Variants in DHRSX observed in about 807,000 individuals in gnomAD.
The protein encoded by DHRSX is dehydrogenase/reductase X-linked.
A neutral mutation model predicts 34.0 loss-of-function variants in DHRSX; 31 were observed. The ratio of observed to expected loss-of-function variants is 0.91; its 90% CI spans 0.69 to 1.23. The LOEUF (loss-of-function observed/expected upper bound fraction) is 1.23, where lower values mean the gene tolerates loss of function less well. Among genes scored for constraint, DHRSX ranks in the 50% most tolerant of loss-of-function variants. The probability of loss-of-function intolerance (pLI) is 0.00; values close to 1 mark genes in which losing one functional copy is unlikely to be tolerated. For synonymous variants in DHRSX, 201 were observed against 183.8 expected, an observed-to-expected ratio of 1.09 and a Z score of -0.76; for missense variants, 414 against 428.1, an observed-to-expected ratio of 0.97 and a Z score of 0.29.
At chrX:2,309,169 T>G (rs1208202865) in intron 3 of DHRSX, among the ~76,000 whole-genome samples, 1 of 151,968 alleles carries the variant, frequency 6.6e-6, no homozygotes, top group Non-Finnish European at 1.5e-5. Context: ...TAGAGAAGAA[T>G]AATGAAAGAA....
At chrX:2,428,441 T>C (rs764489953) in intron 1 of DHRSX, among the ~76,000 whole-genome samples, 2 of 152,188 alleles carry the variant, frequency 1.3e-5, no homozygotes, top group Non-Finnish European at 2.9e-5. Context: ...TATGCAGCCA[T>C]AAAAAAGGAT....
rs1368745993 is a variant in DHRSX, at chrX:2,243,345, CT to C, written c.597-116del. The C allele has an allele frequency of 7.3e-6, 6 of 825,160 alleles. No individual in the cohort carries two copies. The African/African-American group carries it at 8.5e-5, about 12-fold the overall frequency. The allele number at this position is 825,160 out of a possible 1,614,324, so 51.1% of individuals were successfully genotyped here. On this transcript the variant is annotated intron_variant, in intron 5 of 6. Transcript: ENST00000334651. ...CCACGTCTATACGCAGCCACCTCCC[CT>C]AGACCCATGTGTGATCATGCCATCT...
intron 1 of DHRSX, among the ~76,000 whole-genome samples, chrX:2,497,155 G>T (rs1440915455): frequency 6.6e-6 from 1 of 152,110 alleles, no homozygotes; most frequent in East Asian, 1.9e-4. Flanking sequence ...CAGCAATTTG[G>T]GATGCCAAGG....
intron 1 of DHRSX, among the ~76,000 whole-genome samples, chrX:2,437,479 A>G (rs2044006064): frequency 6.6e-6 from 1 of 151,896 alleles, no homozygotes; most frequent in African/African-American, 2.4e-5. Flanking sequence ...TGGTGTGCCC[A>G]TGTGGTCCCA....
At chrX:2,254,536 C>T (rs1028913778) in intron 5 of DHRSX, among the ~76,000 whole-genome samples, 4 of 152,164 alleles carry the variant, frequency 2.6e-5, no homozygotes, top group African/African-American at 9.7e-5. Context: ...TACATTCTTT[C>T]TAGGATATCT....
At chrX:2,417,362 C>CCA (rs2043707977) in intron 2 of DHRSX, among the ~76,000 whole-genome samples, 1 of 152,194 alleles carries the variant, frequency 6.6e-6, no homozygotes, top group Non-Finnish European at 1.5e-5. Flanking sequence ...CCTAACCAAA[C>CCA]CACACATCAT....
At chrX:2,295,964 G>A (rs1373710799) in intron 3 of DHRSX, among the ~76,000 whole-genome samples, 1 of 152,126 alleles carries the variant, frequency 6.6e-6, no homozygotes, top group East Asian at 1.9e-4. Context: ...GATGGACTGT[G>A]GGGTTCTCGC....
At chrX:2,247,924 T>G (rs1029715273) in intron 5 of DHRSX, among the ~76,000 whole-genome samples, 7 of 151,940 alleles carry the variant, frequency 4.6e-5, no homozygotes, top group Non-Finnish European at 7.4e-5. Flanking sequence ...CCAAAGCACC[T>G]TTCCCCCAAG....
Position 2,408,605 on chromosome X carries a change from A to G in DHRSX, c.286+140T>C, listed in dbSNP as rs144101091. On this transcript the variant is annotated intron_variant, in intron 3 of 6. Transcript: ENST00000334651. ...CTCTAGGATGGGGCCAGAAATCCCC[A>G]AAAGAAGAGTGCAAAAATCAGAGCC... The G allele has an allele frequency of 1.2e-3, 919 of 737,382 alleles. 6 individuals are homozygous for G. The African/African-American group carries it at 0.015, about 12-fold the overall frequency. The allele number at this position is 737,382 out of a possible 1,614,324, so 45.7% of individuals were successfully genotyped here. A position where few individuals can be genotyped will look rare whatever the true frequency, so the allele number is the denominator to read the frequency against.
chrX:2,426,518 C>T (rs181738296), intron 1 of DHRSX, among the ~76,000 whole-genome samples: 140 of 143,994 alleles, frequency 9.7e-4, no homozygotes, highest in African/African-American at 3.5e-3. Context: ...TTCCTTCCCT[C>T]CCTTTTTCCT....
At chrX:2,328,881 C>G (rs759689719) in intron 3 of DHRSX, among the ~76,000 whole-genome samples, 23 of 152,160 alleles carry the variant, frequency 1.5e-4, no homozygotes, top group Non-Finnish European at 2.5e-4. Flanking sequence ...CCATAACCCC[C>G]GGAAGAGTGT....
intron 3 of DHRSX, among the ~76,000 whole-genome samples, chrX:2,296,138 A>G (rs2041929366): frequency 6.6e-6 from 1 of 152,180 alleles, no homozygotes; most frequent in Non-Finnish European, 1.5e-5. Context: ...CATGACCAGT[A>G]TGTTTTTAAG....
intron 4 of DHRSX, among the ~76,000 whole-genome samples, chrX:2,268,201 T>C (rs1415490830): frequency 6.6e-6 from 1 of 152,198 alleles, no homozygotes; most frequent in Non-Finnish European, 1.5e-5. Flanking sequence ...GCTGAGCGCC[T>C]GCCCTGAAGT....
At chrX:2,451,800 T>A (rs1305509655) in intron 1 of DHRSX, among the ~76,000 whole-genome samples, 1 of 152,010 alleles carries the variant, frequency 6.6e-6, no homozygotes, top group African/African-American at 2.4e-5. Context: ...GGACCGCCAC[T>A]GTGTATGAAC....
At chrX:2,386,364 C>A (rs2043272508) in intron 3 of DHRSX, among the ~76,000 whole-genome samples, 1 of 151,718 alleles carries the variant, frequency 6.6e-6, no homozygotes, top group South Asian at 2.1e-4. Flanking sequence ...GATTACAGGC[C>A]TGTGCCACCA....
chrX:2,345,464 G>A (rs2042694201), intron 3 of DHRSX, among the ~76,000 whole-genome samples: 1 of 151,848 alleles, frequency 6.6e-6, no homozygotes, highest in African/African-American at 2.4e-5. Flanking sequence ...CCAACATGGT[G>A]AAACCTTGTC....
intron 1 of DHRSX, among the ~76,000 whole-genome samples, chrX:2,436,283 T>A (rs991090272): frequency 1.3e-5 from 2 of 151,808 alleles, no homozygotes; most frequent in African/African-American, 4.8e-5. Flanking sequence ...CCGTTTGAAC[T>A]GCTGATCTTC....
At chrX:2,229,180 G>A (rs2124405239) in intron 6 of DHRSX, among the ~76,000 whole-genome samples, 1 of 152,226 alleles carries the variant, frequency 6.6e-6, no homozygotes, top group Admixed American at 6.5e-5. Context: ...ACATCTTAGG[G>A]CAGAAACTCA....
At chrX:2,313,589 G>A (rs1457243402) in intron 3 of DHRSX, among the ~76,000 whole-genome samples, 2 of 151,780 alleles carry the variant, frequency 1.3e-5, no homozygotes, top group Non-Finnish European at 1.5e-5. Context: ...GGATGGTCTC[G>A]ATCTCATGAC....
Sources: gnomAD v4.1 joint callset for allele counts (sites outside exome capture counted in the v4.1 genomes callset) on GRCh38, gnomAD v4.1.1 for gene constraint, MANE v1.5 for transcripts, NCBI Gene and HGNC (gene_info 2026-07-23, HGNC 2026-07-21) for gene names.